The following NRG1 variants were observed in gnomAD, a reference collection of about 807,000 sequenced individuals.
The protein encoded by NRG1 is neuregulin 1.
Under a neutral mutation model 63.8 loss-of-function variants are expected in NRG1, and 18 were observed. The observed-to-expected ratio is 0.28, with a 90% CI of 0.19 to 0.42. The LOEUF (loss-of-function observed/expected upper bound fraction) is 0.42, where lower values mean the gene tolerates loss of function less well. Among genes scored for constraint, NRG1 ranks in the 10% least tolerant of loss-of-function variants. NRG1 has a pLI of 1.00. For missense variants in NRG1, 762 were observed against 814.7 expected (o/e 0.94, Z 0.79); for synonymous variants, 302 against 301.3 (o/e 1.00, Z -0.02).
chr8:32,707,198 A>T (rs1277245696), intron 5 of NRG1, among the ~76,000 whole-genome samples: 2 of 152,066 alleles, frequency 1.3e-5, no homozygotes, highest in African/African-American at 4.8e-5. Flanking sequence ...CAGACTTGCC[A>T]TTCCATTTCT....
At chr8:31,763,337 T>C (rs1451519600) in intron 1 of NRG1, among the ~76,000 whole-genome samples, 1 of 152,234 alleles carries the variant, frequency 6.6e-6, no homozygotes, top group East Asian at 1.9e-4. Context: ...TATTATGACC[T>C]ACATTTAGTT....
chr8:31,756,070 A>G (rs939429586), intron 1 of NRG1, among the ~76,000 whole-genome samples: 3 of 152,166 alleles, frequency 2.0e-5, no homozygotes, highest in Admixed American at 6.5e-5. Context: ...CATTGTTTAT[A>G]TAACACAATC....
At chr8:32,678,541 G>A (rs1248876981) in intron 5 of NRG1, among the ~76,000 whole-genome samples, 2 of 151,820 alleles carry the variant, frequency 1.3e-5, no homozygotes, top group African/African-American at 4.8e-5. Flanking sequence ...ACTGCTCATC[G>A]CTAGTATTAT....
chr8:32,593,214 G>C (rs1312095103), intron 1 of NRG1, among the ~76,000 whole-genome samples: 1 of 151,988 alleles, frequency 6.6e-6, no homozygotes, highest in Non-Finnish European at 1.5e-5. Flanking sequence ...TGGAAGTTCT[G>C]GTGTGTTCCC....
In NRG1 at chr8:31,934,418, C is replaced by CTG. The variant is rs1835122590; in HGVS notation, c.37+294988_37+294989insGT. The stretch of plus-strand genomic sequence containing the variant: ...ACATACACACACCCCTTTATTCGCT[C>CTG]TCTTTTTTTTTTTTTTTTTTTTTTT... On this transcript the variant is annotated intron_variant, in intron 1 of 10. Transcript: ENST00000519301. 1.6e-5 allele frequency among the ~76,000 whole-genome samples: 2 copies of CTG among 121,780 alleles called. 1 individual carries two copies. The highest frequency in any genetic ancestry group is 3.3e-5 in the Non-Finnish European group (2 of 61,012). The allele number at this position is 121,780 out of a possible 152,430, so 79.9% of individuals were successfully genotyped here. A position where few individuals can be genotyped will look rare whatever the true frequency, so the allele number is the denominator to read the frequency against.
intron 1 of NRG1, among the ~76,000 whole-genome samples, chr8:32,184,696 A>G (rs1427599045): frequency 6.6e-6 from 1 of 152,090 alleles, no homozygotes; most frequent in East Asian, 1.9e-4. Flanking sequence ...TTATGCTTTA[A>G]TGGTTAGAGC....
At chr8:32,357,682 C>G (rs902930808) in intron 1 of NRG1, among the ~76,000 whole-genome samples, 1 of 152,088 alleles carries the variant, frequency 6.6e-6, no homozygotes, top group African/African-American at 2.4e-5. Context: ...TGTGTTAATT[C>G]GCTTAATAGC....
chr8:32,528,767 C>T (rs1831147009), intron 1 of NRG1, among the ~76,000 whole-genome samples: 1 of 152,038 alleles, frequency 6.6e-6, no homozygotes, highest in Non-Finnish European at 1.5e-5. Flanking sequence ...ACATACAGGT[C>T]CTATTAAAAA....
chr8:31,900,180 G>A (rs1042136696), intron 1 of NRG1, among the ~76,000 whole-genome samples: 1 of 152,120 alleles, frequency 6.6e-6, no homozygotes, highest in African/African-American at 2.4e-5. Context: ...CACTAATAGT[G>A]GCTTTATATA....
At chr8:32,356,474 A>ACCCCCCCCCCCCCCCCCCCGCC (rs11426642) in intron 1 of NRG1, among the ~76,000 whole-genome samples, 2 of 69,322 alleles carry the variant, frequency 2.9e-5, no homozygotes, top group African/African-American at 5.9e-5. Flanking sequence ...CCTTGTTGGG[A>ACCCCCCCCCCCCCCCCCCCGCC]CCCCCCCCCC....
intron 1 of NRG1, among the ~76,000 whole-genome samples, chr8:32,158,448 G>GATAGATAGATATAT (rs1491221971): frequency 3.2e-5 from 2 of 62,182 alleles, no homozygotes; most frequent in Non-Finnish European, 7.8e-5. Context: ...TGGTTTACAT[G>GATAGATAGATATAT]ATATATATAT....
chr8:32,578,682 C>T (rs898571489), intron 1 of NRG1, among the ~76,000 whole-genome samples: 12 of 152,050 alleles, frequency 7.9e-5, no homozygotes, highest in Non-Finnish European at 1.6e-4. Context: ...TAGCTTTTAA[C>T]TTATTTCAGG....
At chr8:32,735,368 A>G (rs1824748173) in intron 6 of NRG1, among the ~76,000 whole-genome samples, 1 of 152,234 alleles carries the variant, frequency 6.6e-6, no homozygotes. Context: ...TTCATAAATC[A>G]TAACATCATT....
chr8:31,957,857 A>C (rs1331768336), intron 1 of NRG1, among the ~76,000 whole-genome samples: 5 of 152,120 alleles, frequency 3.3e-5, no homozygotes, highest in African/African-American at 1.2e-4. Flanking sequence ...AGAGCGCACT[A>C]TTTCTACCCC....
At chr8:31,834,305 G>GCA (rs1554547004) in intron 1 of NRG1, among the ~76,000 whole-genome samples, 58,735 of 143,992 alleles carry the variant, frequency 0.41, 12,018 homozygotes, top group African/African-American at 0.5. Flanking sequence ...GCGCGCACGC[G>GCA]CGCACACACA....
At chr8:31,997,398 G>T (rs1812185489) in intron 1 of NRG1, among the ~76,000 whole-genome samples, 1 of 151,852 alleles carries the variant, frequency 6.6e-6, no homozygotes, top group Admixed American at 6.6e-5. Context: ...CCTTCTTCTG[G>T]CTAGGCAATA....
intron 1 of NRG1, among the ~76,000 whole-genome samples, chr8:31,827,938 T>G (rs1230210776): frequency 6.6e-6 from 1 of 152,196 alleles, no homozygotes; most frequent in Non-Finnish European, 1.5e-5. Flanking sequence ...ACCTCAGGGT[T>G]TAAAGAAATG....
chr8:32,382,303 A>T (rs1810455444), intron 1 of NRG1, among the ~76,000 whole-genome samples: 1 of 152,214 alleles, frequency 6.6e-6, no homozygotes, highest in South Asian at 2.1e-4. Flanking sequence ...CATAATAAAC[A>T]TTGATATAAT....
At chr8:31,905,031 A>T (rs115025428) in intron 1 of NRG1, among the ~76,000 whole-genome samples, 8,076 of 115,726 alleles carry the variant, frequency 0.07, 652 homozygotes, top group African/African-American at 0.25. Context: ...AGTTTTTTTA[A>T]AAAAAAATAA....
Sources: gnomAD v4.1 joint callset for allele counts (sites outside exome capture counted in the v4.1 genomes callset) on GRCh38, gnomAD v4.1.1 for gene constraint, MANE v1.5 for transcripts, NCBI Gene and HGNC (gene_info 2026-07-23, HGNC 2026-07-21) for gene names.